SLC39A11: variants seen among roughly 807,000 people sequenced by gnomAD.
SLC39A11 encodes the protein solute carrier family 39 member 11.
SLC39A11 carries 33 observed loss-of-function variants against 36.1 expected under a neutral mutation model. The observed-to-expected ratio is 0.91, with a 90% CI of 0.69 to 1.22. SLC39A11 has a LOEUF of 1.22. Ranked by LOEUF, SLC39A11 falls within the 50% of genes most tolerant of loss-of-function variation. The pLI is 0.00. For missense variants in SLC39A11, 432 were observed against 430.3 expected, an observed-to-expected ratio of 1.00 and a Z score of -0.03; for synonymous variants, 166 against 170.3, an observed-to-expected ratio of 0.97 and a Z score of 0.20.
At chr17:72,813,228 G>A (rs575450723) in intron 6 of SLC39A11, among the ~76,000 whole-genome samples, 1 of 152,310 alleles carries the variant, frequency 6.6e-6, no homozygotes, top group African/African-American at 2.4e-5. Flanking sequence ...GGCCAGAGAT[G>A]ACATCTGTTG....
intron 3 of SLC39A11, among the ~76,000 whole-genome samples, chr17:73,057,937 CA>C (rs2059721974): frequency 6.6e-6 from 1 of 150,620 alleles, no homozygotes; most frequent in Non-Finnish European, 1.5e-5. Context: ...ACTCTATCTC[CA>C]AAAAAAGAAA....
intron 4 of SLC39A11, among the ~76,000 whole-genome samples, chr17:73,018,358 G>A (rs1368060509): frequency 6.6e-6 from 1 of 152,048 alleles, no homozygotes; most frequent in Non-Finnish European, 1.5e-5. Flanking sequence ...AGACCAGCCT[G>A]GCCAACATGG....
chr17:73,013,251 C>T (rs2090622695), intron 4 of SLC39A11, among the ~76,000 whole-genome samples: 1 of 152,028 alleles, frequency 6.6e-6, no homozygotes. Context: ...TCACACCTAG[C>T]TAATTTTTGT....
chr17:72,798,406 ACTT>A (rs2076968344), intron 6 of SLC39A11, among the ~76,000 whole-genome samples: 1 of 113,958 alleles, frequency 8.8e-6, no homozygotes, highest in Admixed American at 9.2e-5. Context: ...GGTCTCTTCC[ACTT>A]CTTTCTTTCT....
At chr17:72,815,222 C>T (rs764884103) in intron 6 of SLC39A11, among the ~76,000 whole-genome samples, 8 of 152,118 alleles carry the variant, frequency 5.3e-5, no homozygotes, top group Admixed American at 2.6e-4. Context: ...TGGAATCACC[C>T]AGGGGAAGGG....
rs193215282 is a variant in SLC39A11, at chr17:72,941,623, T to C, written c.430+6129A>G. Among the ~76,000 whole-genome samples the C allele has an allele frequency of 4.9e-3, 733 of 151,098 alleles. 5 individuals are homozygous for C. The highest frequency in any genetic ancestry group is 7.1e-3 in the Non-Finnish European group (481 of 67,888). ...TTTGAGTGCTCCATATTAGGCCAAA[T>C]AGAACACTCTTCAGAAGCAAAAGAC... On this transcript the variant is annotated intron_variant, in intron 5 of 9. Coordinates refer to ENST00000255559, the MANE Select transcript of SLC39A11 (RefSeq NM_139177.4).
At chr17:73,088,451 G>A (rs2060812675) in intron 2 of SLC39A11, among the ~76,000 whole-genome samples, 1 of 152,160 alleles carries the variant, frequency 6.6e-6, no homozygotes, top group South Asian at 2.1e-4. Flanking sequence ...GCATGAAGGT[G>A]TCTACAGCAA....
chr17:72,997,580 T>C (rs1445421677), intron 4 of SLC39A11, among the ~76,000 whole-genome samples: 2 of 152,244 alleles, frequency 1.3e-5, no homozygotes, highest in African/African-American at 2.4e-5. Flanking sequence ...TCCATGGTTT[T>C]GCTTTCCACA....
At chr17:72,707,686 C>G (rs537464713) in intron 7 of SLC39A11, among the ~76,000 whole-genome samples, 1 of 152,322 alleles carries the variant, frequency 6.6e-6, no homozygotes, top group East Asian at 1.9e-4. Flanking sequence ...CCCCTACATC[C>G]ACATGGGTAC....
chr17:72,691,606 T>C (rs3890843), intron 7 of SLC39A11, among the ~76,000 whole-genome samples: 5,330 of 152,300 alleles, frequency 0.035, 287 homozygotes, highest in African/African-American at 0.12. Flanking sequence ...CATTAAATAA[T>C]TTCAGCTGTT....
intron 6 of SLC39A11, among the ~76,000 whole-genome samples, chr17:72,840,704 C>A (rs929083460): frequency 6.6e-6 from 1 of 151,896 alleles, no homozygotes; most frequent in Non-Finnish European, 1.5e-5. Context: ...TTGCAGTGAG[C>A]TGAGATCGCG....
intron 5 of SLC39A11, among the ~76,000 whole-genome samples, chr17:72,919,908 T>C (rs2083555664): frequency 6.6e-6 from 1 of 152,162 alleles, no homozygotes; most frequent in African/African-American, 2.4e-5. Context: ...GTGGTCACAA[T>C]GAATTTCAAG....
intron 4 of SLC39A11, among the ~76,000 whole-genome samples, chr17:73,030,283 G>A (rs757463698): frequency 2.2e-4 from 33 of 152,338 alleles, no homozygotes; most frequent in Non-Finnish European, 2.5e-4. Context: ...TCTGCTTTAA[G>A]ACAGTATCAC....
chr17:72,971,748 T>C (rs997189098), intron 4 of SLC39A11, among the ~76,000 whole-genome samples: 4 of 147,044 alleles, frequency 2.7e-5, no homozygotes, highest in African/African-American at 9.9e-5. Flanking sequence ...ACCCCCACAG[T>C]CTACCTACAC....
At position 72,809,199 on chromosome 17, in the gene SLC39A11, T is replaced by TTCTCTCTCTCTCTC. The variant is rs66472539; in HGVS notation, c.601+40421_601+40434dup. Among the ~76,000 whole-genome samples the TTCTCTCTCTCTCTC allele has an allele frequency of 8.7e-3, 885 of 102,280 alleles. 5 individuals carry two copies. Among genetic ancestry groups the TTCTCTCTCTCTCTC allele is most frequent in the African/African-American group, 0.02 (724 of 36,820 alleles). The allele number at this position is 102,280 out of a possible 152,430, so 67.1% of individuals were successfully genotyped here. ...GCTTAGATCATCTTCTTTCTTTTCT[T>TTCTCTCTCTCTCTC]TCTCTCTCTCTCTCTCTCTCTCTCT... On this transcript the variant is annotated intron_variant, in intron 6 of 9. Transcript: ENST00000255559.
chr17:73,035,476 C>G (rs148500488), intron 3 of SLC39A11, among the ~76,000 whole-genome samples: 31 of 152,186 alleles, frequency 2.0e-4, no homozygotes, highest in African/African-American at 7.0e-4. Context: ...GTAGAAAAGA[C>G]GACTGTATCC....
chr17:72,953,892 C>T (rs1015283327), intron 4 of SLC39A11, among the ~76,000 whole-genome samples: 1 of 152,206 alleles, frequency 6.6e-6, no homozygotes, highest in African/African-American at 2.4e-5. Context: ...GGGAGGCAAA[C>T]CTGACCTCCG....
At chr17:72,900,420 G>A (rs77916212) in intron 5 of SLC39A11, among the ~76,000 whole-genome samples, 1 of 135,202 alleles carries the variant, frequency 7.4e-6, no homozygotes. Context: ...AGGATTATGA[G>A]GATGTATGAG....
chr17:73,008,783 G>A (rs556698953), intron 4 of SLC39A11, among the ~76,000 whole-genome samples: 3 of 152,306 alleles, frequency 2.0e-5, no homozygotes, highest in African/African-American at 7.2e-5. Context: ...GCCAGGCACA[G>A]TGGCTCACGC....
Sources: gnomAD v4.1 joint callset for allele counts (sites outside exome capture counted in the v4.1 genomes callset) on GRCh38, gnomAD v4.1.1 for gene constraint, MANE v1.5 for transcripts, NCBI Gene and HGNC (gene_info 2026-07-23, HGNC 2026-07-21) for gene names.